Variants in PTPN3 observed in about 807,000 individuals in gnomAD.
PTPN3 encodes protein tyrosine phosphatase non-receptor type 3, also known as tyrosine-protein phosphatase non-receptor type 3.
In PTPN3, 96 loss-of-function variants were observed where a neutral mutation model predicts 132.7. That is an observed-to-expected ratio of 0.72 (90% CI 0.61 to 0.86). The LOEUF (loss-of-function observed/expected upper bound fraction) is 0.86, where lower values mean the gene tolerates loss of function less well. PTPN3 is among the 40% of genes least tolerant of loss of function. The probability of loss-of-function intolerance (pLI) is 0.00; values close to 1 mark genes in which losing one functional copy is unlikely to be tolerated. For missense variants in PTPN3, 1,125 were observed against 1,159.6 expected, an observed-to-expected ratio of 0.97 and a Z score of 0.43; for synonymous variants, 398 against 429.0, an observed-to-expected ratio of 0.93 and a Z score of 0.89.
At chr9:109,511,382 C>T in the PTPN3 span, 1 of 152,792 alleles carries the variant, frequency 6.5e-6, no homozygotes, top group Admixed American at 6.5e-5. Context: ...ATGCAGTGAT[C>T]CCCAAAGAAG....
At position 109,410,314 on chromosome 9, in the gene PTPN3, C is replaced by T; in HGVS notation, c.1415G>A (p.Gly472Asp). Reference protein sequence around the residue: ...SNAPGSCSPDGVDQQLLDDFH... With the variant: ...SNAPGSCSPDDVDQQLLDDFH... ...GTCATCTAAGAGCTGCTGATCAACG[C>T]CGTCAGGTGAGCAGGAGCCTGGAGC... Residue 472 changes from glycine (G) to aspartate (D), a missense_variant, in exon 15 of 26, where the codon GGC becomes GAC. Transcript: ENST00000374541. The T allele has an allele frequency of 1.9e-6, 3 of 1,614,110 alleles. No homozygotes were observed. The highest frequency in any genetic ancestry group is 1.1e-5 in the South Asian group (1 of 91,060).
Position 109,489,452 on chromosome 9 carries a change from G to A in PTPN3, c.-18+8767C>T, listed in dbSNP as rs147623696. ...AGGGTTTTCCATGCTGGCTCACCCT[G>A]CACTGATCTCAACCTCGAAGTCACT... On this transcript the variant is annotated intron_variant, in intron 1 of 25. Transcript: ENST00000374541. Among the ~76,000 whole-genome samples the A allele has an allele frequency of 5.4e-4, 82 of 152,254 alleles. No individual in the cohort carries two copies. In the East Asian group the frequency reaches 0.015, roughly 27 times the overall value.
At chr9:109,522,134 A>C in the PTPN3 span, among the ~76,000 whole-genome samples, 2 of 152,216 alleles carry the variant, frequency 1.3e-5, no homozygotes, top group Admixed American at 6.5e-5. Context: ...GACCATCAGC[A>C]TTAACCGCAC....
At chr9:109,460,818 C>CT (rs1242051122) in intron 2 of PTPN3, among the ~76,000 whole-genome samples, 2 of 152,214 alleles carry the variant, frequency 1.3e-5, no homozygotes, top group African/African-American at 4.8e-5. Flanking sequence ...GGGATGTTAG[C>CT]TTCAAAAACG....
chr9:109,534,222 G>A, the PTPN3 span: 4 of 1,399,632 alleles, frequency 2.9e-6, no homozygotes, highest in Admixed American at 1.7e-5. Context: ...CCGGGCCACC[G>A]TTTCCTGTGC....
At chr9:109,497,423 T>A (rs764861737) in intron 1 of PTPN3, among the ~76,000 whole-genome samples, 4 of 152,154 alleles carry the variant, frequency 2.6e-5, no homozygotes, top group Admixed American at 6.5e-5. Flanking sequence ...GTTAAACAAC[T>A]TGCCAAGGTC....
At chr9:109,420,236 GCACATAGAC>G (rs1383334071) in intron 14 of PTPN3, among the ~76,000 whole-genome samples, 179 bp downstream of exon 14, 1 of 152,160 alleles carries the variant, frequency 6.6e-6, no homozygotes, top group Non-Finnish European at 1.5e-5. Flanking sequence ...TAGACCCCAG[GCACATAGAC>G]CGTCTTCCGG....
At chr9:109,384,270 G>A (rs1839373161) in intron 22 of PTPN3, among the ~76,000 whole-genome samples, 1 of 152,182 alleles carries the variant, frequency 6.6e-6, no homozygotes. Flanking sequence ...CAAAAACCCA[G>A]ATTAAGGGAC....
At chr9:109,499,969 G>C (rs866755428), upstream of PTPN3, among the ~76,000 whole-genome samples, 5 of 152,194 alleles carry the variant, frequency 3.3e-5, no homozygotes, top group South Asian at 6.2e-4. Context: ...CGGGGCCGGA[G>C]CCCCCGGAAG....
At chr9:109,520,728 G>A in the PTPN3 span, among the ~76,000 whole-genome samples, 1 of 152,178 alleles carries the variant, frequency 6.6e-6, no homozygotes, top group African/African-American at 2.4e-5. Flanking sequence ...ATTCACGTAC[G>A]TTAAGGTAAG....
chr9:109,441,350 C>T (rs1564445310), intron 7 of PTPN3, among the ~76,000 whole-genome samples: 2 of 152,134 alleles, frequency 1.3e-5, no homozygotes, highest in South Asian at 2.1e-4. Context: ...TCAAGCTGCC[C>T]GGCTGTTGTA....
chr9:109,470,238 T>C (rs1387685868), intron 1 of PTPN3, among the ~76,000 whole-genome samples: 1 of 152,216 alleles, frequency 6.6e-6, no homozygotes, highest in Non-Finnish European at 1.5e-5. Flanking sequence ...GCTAATATAG[T>C]ACCAGCGTTG....
intron 1 of PTPN3, among the ~76,000 whole-genome samples, chr9:109,485,836 C>T (rs901665948): frequency 2.6e-5 from 4 of 152,230 alleles, no homozygotes; most frequent in African/African-American, 7.2e-5. Context: ...GATCCACCCC[C>T]GACTCCCATA....
At chr9:109,392,451 A>G (rs1335240526) in intron 19 of PTPN3, 2 of 151,230 alleles carry the variant, frequency 1.3e-5, no homozygotes, top group African/African-American at 2.4e-5. Flanking sequence ...CAATTTCACA[A>G]CTCTGAGATG....
intron 1 of PTPN3, among the ~76,000 whole-genome samples, chr9:109,471,685 A>T (rs1185942855): frequency 2.4e-5 from 3 of 124,526 alleles, no homozygotes; most frequent in Admixed American, 7.9e-5. Flanking sequence ...TTTTTTTTTT[A>T]AAGAGACAGG....
chr9:109,435,981 T>C (rs1844020674), intron 9 of PTPN3, among the ~76,000 whole-genome samples: 1 of 152,218 alleles, frequency 6.6e-6, no homozygotes, highest in South Asian at 2.1e-4. Flanking sequence ...AGATTTAAAA[T>C]CTGATCATTT....
chr9:109,420,435 G>T lies in PTPN3; in HGVS notation c.1302C>A (p.Ser434Arg). Residue 434 changes from serine to arginine, a missense_variant, in exon 14 of 26, where the codon AGC becomes AGA. Transcript: ENST00000374541. ...CACGAGTTTCTTACTCTTGGTGCGG[G>T]CTTCGGTTCTGAGAAACTTCAGAAT... is the stretch of plus-strand genomic sequence containing the variant. ...DSDSEVSQNR[S>R]PHQESLSENN... is the part of the protein sequence containing the mutation. The T allele has an allele frequency of 6.3e-7, 1 of 1,597,006 alleles. No individual in the cohort carries two copies.
intron 2 of PTPN3, among the ~76,000 whole-genome samples, chr9:109,461,950 G>A (rs1446332944): frequency 2.0e-5 from 3 of 152,156 alleles, no homozygotes; most frequent in Non-Finnish European, 4.4e-5. Context: ...ACAGGTATAC[G>A]TTGTAGCCCC....
intron 1 of PTPN3, among the ~76,000 whole-genome samples, chr9:109,488,075 G>A (rs142220049): frequency 6.6e-6 from 1 of 151,860 alleles, no homozygotes; most frequent in African/African-American, 2.4e-5. Flanking sequence ...GTGTGGGGTC[G>A]GGGGGAGGAG....
Sources: gnomAD v4.1 joint callset for allele counts (sites outside exome capture counted in the v4.1 genomes callset) on GRCh38, gnomAD v4.1.1 for gene constraint, MANE v1.5 for transcripts, NCBI Gene and HGNC (gene_info 2026-07-23, HGNC 2026-07-21) for gene names.